SIMC1: variants seen among roughly 807,000 people sequenced by gnomAD.
The protein encoded by SIMC1 is SUMO interacting motifs containing 1, also known as SUMO-interacting motif-containing protein 1.
Under a neutral mutation model 82.3 loss-of-function variants are expected in SIMC1, and 55 were observed. The ratio of observed to expected loss-of-function variants is 0.67; its 90% CI spans 0.54 to 0.84. SIMC1 has a LOEUF of 0.84. Ranked by LOEUF, SIMC1 falls within the 40% of genes least tolerant of loss-of-function variation. The pLI is 0.00. For synonymous variants in SIMC1, 353 were observed against 426.3 expected, an observed-to-expected ratio of 0.83 and a Z score of 2.12; for missense variants, 915 against 1,107.2, an observed-to-expected ratio of 0.83 and a Z score of 2.46.
chr5:176,286,373 A>G (rs1430794971), intron 1 of SIMC1, among the ~76,000 whole-genome samples: 2 of 152,286 alleles, frequency 1.3e-5, no homozygotes, highest in Non-Finnish European at 2.9e-5. Flanking sequence ...CCTGACAAAA[A>G]CAAGCAATGG....
chr5:176,290,628 A>C lies in SIMC1; in HGVS notation c.1104A>C (p.Gly368=). ...HSPRDIPHLP[G]DRPDFTQNDV... The stretch of plus-strand genomic sequence containing the variant: ...CTAGAGACATCCCTCACTTACCAGG[A>C]GACAGGCCTGACTTTACCCAGAATG... Residue 368 remains glycine (G), a synonymous_variant, in exon 2 of 10, where the codon GGA becomes GGC. Coordinates refer to ENST00000429602, the MANE Select transcript of SIMC1 (RefSeq NM_001308195.2). 1 of 1,614,000 alleles carries C rather than the reference A, an allele frequency of 6.2e-7. No individual in the cohort carries two copies. The highest frequency in any genetic ancestry group is 8.5e-7 in the Non-Finnish European group (1 of 1,179,904).
chr5:176,332,053 G>C (rs771330533), intron 7 of SIMC1, among the ~76,000 whole-genome samples: 7 of 152,056 alleles, frequency 4.6e-5, no homozygotes, highest in Admixed American at 3.3e-4. Flanking sequence ...TAAGAAAAAA[G>C]GTTATGTTTA....
intron 7 of SIMC1, 35 bp from the exon 8 acceptor site, chr5:176,336,685 T>G (rs748051323): frequency 6.2e-7 from 1 of 1,608,622 alleles, no homozygotes; most frequent in South Asian, 1.1e-5. Flanking sequence ...AGCATAGTTG[T>G]GATGATTAAC....
chr5:176,314,943 A>G (rs1353430578), intron 5 of SIMC1, among the ~76,000 whole-genome samples: 1 of 152,192 alleles, frequency 6.6e-6, no homozygotes, highest in Non-Finnish European at 1.5e-5. Context: ...ATTTTGCCCA[A>G]CTGTAAGCTG....
At chr5:176,257,419 C>T (rs1581222431) in intron 1 of SIMC1, among the ~76,000 whole-genome samples, 1 of 152,148 alleles carries the variant, frequency 6.6e-6, no homozygotes, top group African/African-American at 2.4e-5. Context: ...AGCATCTGTT[C>T]ACCTTCTGAT....
At chr5:176,317,542 A>C (rs1764969729) in intron 5 of SIMC1, among the ~76,000 whole-genome samples, 1 of 152,172 alleles carries the variant, frequency 6.6e-6, no homozygotes, top group Non-Finnish European at 1.5e-5. Flanking sequence ...CATGAAAAAT[A>C]AGGAGTTCGC....
chr5:176,289,408 TG>T (rs1763442746), intron 1 of SIMC1, among the ~76,000 whole-genome samples: 1 of 149,292 alleles, frequency 6.7e-6, no homozygotes, highest in South Asian at 2.1e-4. Context: ...CTGTCCTCCT[TG>T]GACCAGAAAA....
At position 176,257,992 on chromosome 5, in the gene SIMC1, C is replaced by T. The variant is rs897897090; in HGVS notation, c.129+19355C>T. 5.9e-5 allele frequency among the ~76,000 whole-genome samples: 9 copies of T among 152,158 alleles called. No homozygotes were observed. The East Asian group carries it at 9.6e-4, about 16-fold the overall frequency. On this transcript the variant is annotated intron_variant, in intron 1 of 9. Transcript: ENST00000429602. The stretch of plus-strand genomic sequence containing the variant: ...AAATTGCACCAGTTCAGAACCACTA[C>T]GTTAGTTTTATAAGTTAATTAAAGG...
At chr5:176,285,800 C>G (rs537907325) in intron 1 of SIMC1, among the ~76,000 whole-genome samples, 52 of 152,278 alleles carry the variant, frequency 3.4e-4, no homozygotes, top group African/African-American at 1.2e-3. Flanking sequence ...TCTCAGGATA[C>G]AAAATCAATG....
intron 1 of SIMC1, among the ~76,000 whole-genome samples, chr5:176,278,751 T>C (rs1762837414): frequency 7.5e-6 from 1 of 132,544 alleles, no homozygotes; most frequent in African/African-American, 2.8e-5. Flanking sequence ...CTGGATTACA[T>C]TTATTGTTTT....
At chr5:176,306,392 A>AG (rs1764388831) in intron 4 of SIMC1, among the ~76,000 whole-genome samples, 1 of 89,540 alleles carries the variant, frequency 1.1e-5, no homozygotes, top group African/African-American at 2.8e-5. Context: ...CTGCCCGACC[A>AG]CCACCCCGTC....
chr5:176,293,958 A>G (rs1403894926), intron 2 of SIMC1, among the ~76,000 whole-genome samples: 2 of 152,180 alleles, frequency 1.3e-5, no homozygotes, highest in South Asian at 2.1e-4. Context: ...CAGTCTTTAT[A>G]TACATATTTT....
At chr5:176,320,045 C>A (rs1765090079) in intron 5 of SIMC1, among the ~76,000 whole-genome samples, 1 of 152,172 alleles carries the variant, frequency 6.6e-6, no homozygotes, top group Non-Finnish European at 1.5e-5. Flanking sequence ...TCCTCTTGCG[C>A]TGGTTCGGTT....
intron 1 of SIMC1, among the ~76,000 whole-genome samples, chr5:176,276,347 T>C (rs1357453001): frequency 3.3e-5 from 5 of 151,684 alleles, no homozygotes; most frequent in Admixed American, 6.6e-5. Context: ...ATTGCGACTG[T>C]TTGATTCTTC....
At chr5:176,279,264 G>C (rs1371345401) in intron 1 of SIMC1, among the ~76,000 whole-genome samples, 1 of 152,108 alleles carries the variant, frequency 6.6e-6, no homozygotes, top group Non-Finnish European at 1.5e-5. Flanking sequence ...TTCTCTGATG[G>C]TTCTTTGTGT....
intron 1 of SIMC1, among the ~76,000 whole-genome samples, chr5:176,244,912 G>C (rs1261011633): frequency 6.6e-6 from 1 of 151,594 alleles, no homozygotes; most frequent in Non-Finnish European, 1.5e-5. Context: ...GTAGAGACAG[G>C]GTTTTACCAT....
At chr5:176,242,578 A>G (rs188127851) in intron 1 of SIMC1, among the ~76,000 whole-genome samples, 5 of 152,086 alleles carry the variant, frequency 3.3e-5, no homozygotes, top group Non-Finnish European at 7.4e-5. Flanking sequence ...ATTTTCCAAT[A>G]TATTTATTGA....
chr5:176,324,675 G>T lies in SIMC1; in HGVS notation c.2089G>T (p.Asp697Tyr). The change falls in exon 7 of 10, where the codon GAC becomes TAC. Residue 697 changes from aspartate (D) to tyrosine (Y), a missense_variant. This residue lies in a region of SIMC1 where 902 missense variants were observed against 1,040.3 expected (regional missense o/e 0.87). Coordinates refer to ENST00000429602, the MANE Select transcript of SIMC1 (RefSeq NM_001308195.2). ...GATGCTCTCCATAGCCGTAGAGGTG[G>T]ACAGGACCCCCACCTGCAGCTCCAA... ...QRMLSIAVEV[D>Y]RTPTCSSNKI... 1 of 1,609,838 alleles carries T rather than the reference G, an allele frequency of 6.2e-7. No homozygotes were observed. Among genetic ancestry groups the T allele is most frequent in the Non-Finnish European group, 8.5e-7 (1 of 1,178,118 alleles).
At chr5:176,307,872 A>G (rs1764494996) in intron 4 of SIMC1, among the ~76,000 whole-genome samples, 1 of 152,334 alleles carries the variant, frequency 6.6e-6, no homozygotes, top group Admixed American at 6.5e-5. Context: ...TATTTGCCCT[A>G]TCTATTCCAA....
Sources: gnomAD v4.1 joint callset for allele counts (sites outside exome capture counted in the v4.1 genomes callset) on GRCh38, gnomAD v4.1.1 for gene constraint, gnomAD v4.1.1 regional missense constraint, MANE v1.5 for transcripts, NCBI Gene and HGNC (gene_info 2026-07-23, HGNC 2026-07-21) for gene names.